GXYLT1: variants seen among roughly 807,000 people sequenced by gnomAD.
GXYLT1 encodes the protein glucoside xylosyltransferase 1.
In GXYLT1, 29 loss-of-function variants were observed where a neutral mutation model predicts 54.0. The ratio of observed to expected loss-of-function variants is 0.54; its 90% confidence interval spans 0.40 to 0.73. The LOEUF (loss-of-function observed/expected upper bound fraction) is 0.73, where lower values mean the gene tolerates loss of function less well. Among genes scored for constraint, GXYLT1 ranks in the 30% least tolerant of loss-of-function variants. GXYLT1 has a pLI of 0.00. For missense variants in GXYLT1, 490 were observed against 553.4 expected, an observed-to-expected ratio of 0.89 and a Z score of 1.15; for synonymous variants, 176 against 204.1, an observed-to-expected ratio of 0.86 and a Z score of 1.17.
chr12:42,117,292 A>T (rs868162299), intron 3 of GXYLT1, among the ~76,000 whole-genome samples: 95 of 149,502 alleles, frequency 6.4e-4, no homozygotes, highest in African/African-American at 1.7e-3. Context: ...AATAAAATTT[A>T]AAAAAAAATC....
intron 5 of GXYLT1, among the ~76,000 whole-genome samples, chr12:42,100,368 TTAA>T (rs2065382865): frequency 6.6e-6 from 1 of 152,218 alleles, no homozygotes; most frequent in Admixed American, 6.5e-5. Context: ...TTATGTGTAC[TTAA>T]TATATTTCTC....
intron 1 of GXYLT1, among the ~76,000 whole-genome samples, chr12:42,135,451 A>T (rs1029837195): frequency 6.6e-6 from 1 of 152,210 alleles, no homozygotes; most frequent in Admixed American, 6.5e-5. Flanking sequence ...ATGACTCACC[A>T]ATTAAATTCC....
At chr12:42,110,130 T>A (rs1047042478) in intron 3 of GXYLT1, among the ~76,000 whole-genome samples, 1 of 152,222 alleles carries the variant, frequency 6.6e-6, no homozygotes, top group Non-Finnish European at 1.5e-5. Flanking sequence ...TAAAAAATAT[T>A]TGTCCATCAA....
intron 7 of GXYLT1, among the ~76,000 whole-genome samples, chr12:42,095,433 TA>T (rs549931133): frequency 1.3e-4 from 19 of 146,198 alleles, no homozygotes; most frequent in Admixed American, 1.4e-4. Context: ...CCATACAGTT[TA>T]AAAAAAAAAA....
intron 7 of GXYLT1, among the ~76,000 whole-genome samples, chr12:42,095,890 C>T (rs1426002629): frequency 6.6e-6 from 1 of 152,140 alleles, no homozygotes; most frequent in Non-Finnish European, 1.5e-5. Context: ...AGTACACACC[C>T]TTGTCTGGGA....
At chr12:42,140,205 G>GC (rs1491519731) in intron 1 of GXYLT1, among the ~76,000 whole-genome samples, 1 of 135,122 alleles carries the variant, frequency 7.4e-6, no homozygotes, top group Non-Finnish European at 1.6e-5. Context: ...AAAGGCGGGG[G>GC]GGGGGGGACT....
intron 7 of GXYLT1, among the ~76,000 whole-genome samples, chr12:42,092,807 A>T (rs2065336207): frequency 6.6e-6 from 1 of 152,186 alleles, no homozygotes; most frequent in Admixed American, 6.5e-5. Context: ...ACACTGGAAG[A>T]ATTGTCTTGG....
intron 3 of GXYLT1, among the ~76,000 whole-genome samples, chr12:42,116,325 C>T (rs1330375791): frequency 6.6e-6 from 1 of 152,096 alleles, no homozygotes; most frequent in Admixed American, 6.6e-5. Context: ...AAAGAAACTA[C>T]CATCAGAGTG....
chr12:42,106,989 CA>C (rs1360240626), intron 4 of GXYLT1, among the ~76,000 whole-genome samples: 1 of 152,002 alleles, frequency 6.6e-6, no homozygotes, highest in Non-Finnish European at 1.5e-5. Context: ...TCAAATGATT[CA>C]CCCATCTCGG....
chr12:42,112,985 T>A (rs1404940115), intron 3 of GXYLT1, among the ~76,000 whole-genome samples: 1 of 151,186 alleles, frequency 6.6e-6, no homozygotes, highest in African/African-American at 2.5e-5. Flanking sequence ...TTCAACATTC[T>A]TAAAGAAAAG....
At chr12:42,101,251 T>TG (rs2065388245) in intron 5 of GXYLT1, among the ~76,000 whole-genome samples, 1 of 152,036 alleles carries the variant, frequency 6.6e-6, no homozygotes, top group Non-Finnish European at 1.5e-5. Context: ...GCAAAGGATA[T>TG]GGGCAAGCAG....
intron 7 of GXYLT1, among the ~76,000 whole-genome samples, chr12:42,093,152 C>CA (rs1314816488): frequency 6.6e-6 from 1 of 152,168 alleles, no homozygotes; most frequent in Non-Finnish European, 1.5e-5. Flanking sequence ...GGCTGTAGTG[C>CA]AATGGAGCGA....
chr12:42,130,269 AAAG>A (rs1399996795), intron 1 of GXYLT1, among the ~76,000 whole-genome samples: 13 of 152,226 alleles, frequency 8.5e-5, no homozygotes, highest in Admixed American at 1.3e-4. Flanking sequence ...CAGAAAGGGA[AAAG>A]AAGATCTTTA....
At position 42,092,774 on chromosome 12, in the gene GXYLT1, C is replaced by T. The variant is rs142427988; in HGVS notation, c.1161+4668G>A. On this transcript the variant is annotated intron_variant, in intron 7 of 7. Transcript: ENST00000398675. ...AAAAAAACTGTAAAGCAGGGGTGTC[C>T]AATCTTTTGGCTTCCCTAGGCCACA... Among the ~76,000 whole-genome samples the T allele has an allele frequency of 2.8e-3, 427 of 152,146 alleles. 1 individual carries two copies. Among genetic ancestry groups the T allele is most frequent in the African/African-American group, 9.9e-3 (411 of 41,492 alleles).
chr12:42,106,760 T>C (rs1203892208), intron 4 of GXYLT1, among the ~76,000 whole-genome samples: 1 of 148,716 alleles, frequency 6.7e-6, no homozygotes, highest in Non-Finnish European at 1.5e-5. Flanking sequence ...TTTTTTTTTT[T>C]TTTGAGACAG....
intron 1 of GXYLT1, among the ~76,000 whole-genome samples, chr12:42,134,540 T>C (rs960081126): frequency 6.6e-6 from 1 of 152,160 alleles, no homozygotes; most frequent in Non-Finnish European, 1.5e-5. Context: ...TTATATCCCA[T>C]TACATGTGTG....
chr12:42,114,869 C>A (rs1016281815), intron 3 of GXYLT1, among the ~76,000 whole-genome samples: 7 of 151,770 alleles, frequency 4.6e-5, no homozygotes, highest in African/African-American at 1.7e-4. Flanking sequence ...AACATCGATG[C>A]AAAAATCCTC....
intron 2 of GXYLT1, among the ~76,000 whole-genome samples, chr12:42,127,925 A>G (rs528172801): frequency 6.6e-6 from 1 of 152,358 alleles, no homozygotes; most frequent in Middle Eastern, 3.4e-3. Flanking sequence ...AATCTCTTCC[A>G]CAGCAACAGG....
At chr12:42,115,855 C>T (rs1220666059) in intron 3 of GXYLT1, among the ~76,000 whole-genome samples, 1 of 140,356 alleles carries the variant, frequency 7.1e-6, no homozygotes, top group Admixed American at 7.2e-5. Context: ...AAGCTGGAGG[C>T]ATCATGCTAC....
Sources: gnomAD v4.1 joint callset for allele counts (sites outside exome capture counted in the v4.1 genomes callset) on GRCh38, gnomAD v4.1.1 for gene constraint, MANE v1.5 for transcripts, NCBI Gene and HGNC (gene_info 2026-07-23, HGNC 2026-07-21) for gene names.